CAST: variants seen among roughly 807,000 people sequenced by gnomAD.
CAST encodes MIR583 host.
CAST carries 76 observed loss-of-function variants against 119.6 expected under a neutral mutation model. The observed-to-expected ratio is 0.64, with a 90% CI of 0.53 to 0.77. The LOEUF (loss-of-function observed/expected upper bound fraction) is 0.77, where lower values mean the gene tolerates loss of function less well. CAST is among the 30% of genes least tolerant of loss of function. The pLI, the probability that CAST is intolerant of heterozygous loss-of-function variation, is 0.00. For missense variants in CAST, 953 were observed against 946.5 expected, an observed-to-expected ratio of 1.01 and a Z score of -0.09; for synonymous variants, 319 against 331.6, an observed-to-expected ratio of 0.96 and a Z score of 0.41.
the CAST span, among the ~76,000 whole-genome samples, chr5:96,023,270 C>T: frequency 3.9e-5 from 6 of 152,274 alleles, no homozygotes; most frequent in East Asian, 1.2e-3. Flanking sequence ...AGGTCAATAT[C>T]TAGATGATTT....
the CAST span, among the ~76,000 whole-genome samples, chr5:96,269,767 G>A: frequency 9.8e-4 from 149 of 152,086 alleles, 2 homozygotes; most frequent in South Asian, 0.03. Context: ...AAAAAGTATC[G>A]CATCAAAGAA....
At chr5:95,964,990 C>A in the CAST span, 1 of 151,550 alleles carries the variant, frequency 6.6e-6, no homozygotes, top group Admixed American at 6.6e-5. Flanking sequence ...AATGCTGGGC[C>A]ACCCCTCATT....
chr5:96,761,227 A>G (rs986272207), intron 24 of CAST: 3 of 152,250 alleles, frequency 2.0e-5, no homozygotes, highest in Non-Finnish European at 2.9e-5. Flanking sequence ...TAATAAGTCA[A>G]TAAGATAGTT....
intron 1 of CAST, among the ~76,000 whole-genome samples, chr5:96,542,579 GAT>G (rs35353571): frequency 0.61 from 93,249 of 151,770 alleles, 28,984 homozygotes; most frequent in East Asian, 0.86. Flanking sequence ...AGGCACCAAA[GAT>G]GTGTGTATTT....
the CAST span, among the ~76,000 whole-genome samples, chr5:96,194,048 A>G: frequency 6.6e-6 from 1 of 152,200 alleles, no homozygotes; most frequent in Non-Finnish European, 1.5e-5. Context: ...GAGAAAGACT[A>G]AAAGAGGAGC....
the CAST span, among the ~76,000 whole-genome samples, chr5:95,991,489 C>T: frequency 8.0e-6 from 1 of 125,508 alleles, no homozygotes; most frequent in Non-Finnish European, 1.7e-5. Context: ...TAGTTAACAA[C>T]AAGTTTTGTT....
the CAST span, among the ~76,000 whole-genome samples, chr5:96,100,295 G>A: frequency 6.6e-6 from 1 of 152,202 alleles, no homozygotes; most frequent in African/African-American, 2.4e-5. Context: ...TTAGATGTGA[G>A]TGCTGTGTGA....
the CAST span, among the ~76,000 whole-genome samples, chr5:96,003,943 C>T: frequency 6.6e-6 from 1 of 152,150 alleles, no homozygotes; most frequent in African/African-American, 2.4e-5. Flanking sequence ...CAAATACAGT[C>T]ATCTTTTTTT....
chr5:96,634,308 T>C (rs1747859264), intron 1 of CAST, among the ~76,000 whole-genome samples: 1 of 152,258 alleles, frequency 6.6e-6, no homozygotes, highest in Non-Finnish European at 1.5e-5. Flanking sequence ...TACTCATTGA[T>C]TGTGCACATC....
the CAST span, among the ~76,000 whole-genome samples, chr5:96,016,829 GTTTTTTTTTTTT>G: frequency 1.0e-5 from 1 of 97,660 alleles, no homozygotes; most frequent in African/African-American, 4.3e-5. Flanking sequence ...GGTTATCTGG[GTTTTTTTTTTTT>G]TTTTTTTTTT....
the CAST span, among the ~76,000 whole-genome samples, chr5:96,459,715 A>T: frequency 6.6e-6 from 1 of 152,182 alleles, no homozygotes. Flanking sequence ...GACCCAATAT[A>T]GGAAACACCT....
chr5:96,477,022 T>G, the CAST span, among the ~76,000 whole-genome samples: 5 of 150,094 alleles, frequency 3.3e-5, no homozygotes, highest in African/African-American at 1.2e-4. Context: ...TCCTTCAGAG[T>G]TGTTGATCTA....
At chr5:96,275,481 A>T in the CAST span, among the ~76,000 whole-genome samples, 1 of 152,226 alleles carries the variant, frequency 6.6e-6, no homozygotes, top group Non-Finnish European at 1.5e-5. Context: ...CTGCTGTAAC[A>T]TGCTGTAGAA....
intron 19 of CAST, 114 bp downstream of exon 19, chr5:96,748,727 G>T: frequency 5.4e-6 from 3 of 551,670 alleles, no homozygotes; most frequent in Non-Finnish European, 9.9e-6. Context: ...ATATGCCATC[G>T]TTTTTTCCAT....
At chr5:96,428,564 C>A in the CAST span, among the ~76,000 whole-genome samples, 1 of 152,168 alleles carries the variant, frequency 6.6e-6, no homozygotes, top group Non-Finnish European at 1.5e-5. Flanking sequence ...ATATTTATTT[C>A]TGCTGTAACC....
At chr5:96,060,275 G>A in the CAST span, among the ~76,000 whole-genome samples, 6 of 152,190 alleles carry the variant, frequency 3.9e-5, no homozygotes, top group Non-Finnish European at 7.4e-5. Flanking sequence ...TCTGTAGTAC[G>A]TCATCTTTGT....
chr5:96,339,747 C>T, the CAST span, among the ~76,000 whole-genome samples: 1 of 152,118 alleles, frequency 6.6e-6, no homozygotes, highest in Admixed American at 6.5e-5. Context: ...AAGGTGAGTC[C>T]TGCTGAGGAC....
At chr5:96,322,000 G>T in the CAST span, among the ~76,000 whole-genome samples, 1 of 152,118 alleles carries the variant, frequency 6.6e-6, no homozygotes, top group Admixed American at 6.5e-5. Context: ...AAATACTTGG[G>T]ATTTAAATAA....
chr5:96,220,786 T>A, the CAST span, among the ~76,000 whole-genome samples: 1 of 152,212 alleles, frequency 6.6e-6, no homozygotes, highest in Non-Finnish European at 1.5e-5. Flanking sequence ...CTACCTGACA[T>A]CCTTTTTTTC....
Sources: allele counts gnomAD v4.1 joint callset (sites outside exome capture counted in the v4.1 genomes callset), GRCh38; gene constraint gnomAD v4.1.1; transcripts MANE v1.5; gene names NCBI Gene and HGNC (gene_info 2026-07-23, HGNC 2026-07-21).